Variants in DMD observed in about 807,000 individuals in gnomAD.
DMD encodes dystrophin.
A neutral mutation model predicts 330.1 loss-of-function variants in DMD; 63 were observed. The ratio of observed to expected loss-of-function variants is 0.19; its 90% CI spans 0.16 to 0.24. The LOEUF is 0.24. Ranked by LOEUF, DMD falls within the 10% of genes least tolerant of loss-of-function variation. The pLI, the probability that DMD is intolerant of heterozygous loss-of-function variation, is 1.00. For missense variants in DMD, 3,344 were observed against 2,684.1 expected (o/e 1.25, Z -5.43); for synonymous variants, 1,223 against 959.8 (o/e 1.27, Z -5.07).
At chrX:33,312,152 A>G (rs999373210) in intron 1 of DMD, among the ~76,000 whole-genome samples, 20 of 111,401 alleles carry the variant, frequency 1.8e-4, no homozygotes, top group African/African-American at 5.9e-4. Flanking sequence ...GGAATAAAAA[A>G]GTAAAAGGAT....
chrX:31,700,462 A>T (rs892294251), intron 52 of DMD, among the ~76,000 whole-genome samples: 3 of 112,019 alleles, frequency 2.7e-5, no homozygotes, highest in African/African-American at 9.7e-5. Context: ...CCTTAAAAGT[A>T]TGCTGAATAT....
chrX:32,996,507 A>G (rs1475915646), intron 2 of DMD, among the ~76,000 whole-genome samples: 2 of 111,712 alleles, frequency 1.8e-5, no homozygotes, highest in Non-Finnish European at 3.8e-5. Context: ...TGCCATCCCA[A>G]AATATGTCAC....
At chrX:33,234,937 T>C (rs924289720) in intron 1 of DMD, among the ~76,000 whole-genome samples, 1 of 111,920 alleles carries the variant, frequency 8.9e-6, no homozygotes, top group Admixed American at 9.5e-5. Context: ...TACTGGACAA[T>C]GGCTCTTCCT....
At chrX:32,732,969 A>G (rs1014508828) in intron 7 of DMD, among the ~76,000 whole-genome samples, 25 of 111,471 alleles carry the variant, frequency 2.2e-4, no homozygotes, top group African/African-American at 8.2e-4. Flanking sequence ...CAGACTGGCA[A>G]CTTGGATAAA....
At chrX:31,699,995 G>A (rs2083697230) in intron 52 of DMD, among the ~76,000 whole-genome samples, 1 of 110,786 alleles carries the variant, frequency 9.0e-6, no homozygotes, top group East Asian at 2.8e-4. Context: ...AGATCAACCT[G>A]GCCAAGATGG....
chrX:32,781,863 T>C (rs1177720940), intron 7 of DMD, among the ~76,000 whole-genome samples: 1 of 111,266 alleles, frequency 9.0e-6, no homozygotes, highest in Non-Finnish European at 1.9e-5. Flanking sequence ...GAGTCACCTT[T>C]AAGAGACATA....
chrX:31,348,510 ATC>A, intron 61 of DMD, 44 bp downstream of exon 61: 2 of 1,066,180 alleles, frequency 1.9e-6, no homozygotes, highest in Non-Finnish European at 2.6e-6. Flanking sequence ...ATTCTTATTA[ATC>A]AAGATGCAAT....
intron 1 of DMD, among the ~76,000 whole-genome samples, chrX:33,177,518 G>A (rs1329822465): frequency 9.0e-6 from 1 of 110,682 alleles, no homozygotes; most frequent in African/African-American, 3.3e-5. Context: ...CCTAGTAGCT[G>A]GGATTACAGG....
At position 31,919,568 on chromosome X, in the gene DMD, C is replaced by A. The variant is rs759952966; in HGVS notation, c.6912+10028G>T. Among the ~76,000 whole-genome samples the A allele has an allele frequency of 9.8e-5, 11 of 111,833 alleles. No homozygotes were observed. In the East Asian group the frequency reaches 2.8e-3, roughly 29 times the overall value. ...TTCCCACCACACTTGGCCAACCATG[C>A]CAAAGATGGACTATACTTGTCCCGG... On this transcript the variant is annotated intron_variant, in intron 47 of 78. Coordinates refer to ENST00000357033, the MANE Select transcript of DMD (RefSeq NM_004006.3).
chrX:32,146,887 T>C (rs940046755), intron 44 of DMD, among the ~76,000 whole-genome samples: 8 of 112,104 alleles, frequency 7.1e-5, no homozygotes, highest in African/African-American at 2.6e-4. Flanking sequence ...AGTTGGTAAC[T>C]TGCAAAGGCA....
intron 7 of DMD, among the ~76,000 whole-genome samples, chrX:32,716,801 A>G (rs1259896338): frequency 1.8e-5 from 2 of 111,452 alleles, no homozygotes; most frequent in Non-Finnish European, 3.8e-5. Flanking sequence ...TGGGAACTGC[A>G]ATAAAGGTCA....
chrX:32,597,232 TTC>T (rs1444516219), intron 12 of DMD, among the ~76,000 whole-genome samples: 2 of 111,827 alleles, frequency 1.8e-5, no homozygotes, highest in African/African-American at 6.5e-5. Context: ...AATTCACCAT[TTC>T]TGTCATTTTT....
chrX:32,423,922 A>G (rs2098201039), intron 29 of DMD, among the ~76,000 whole-genome samples: 1 of 111,317 alleles, frequency 9.0e-6, no homozygotes, highest in Non-Finnish European at 1.9e-5. Flanking sequence ...AAATAACAAA[A>G]GAAGATACAT....
At chrX:31,910,602 C>T (rs937347872) in intron 47 of DMD, among the ~76,000 whole-genome samples, 2 of 111,783 alleles carry the variant, frequency 1.8e-5, no homozygotes, top group Non-Finnish European at 3.8e-5. Flanking sequence ...TAGAAACTAA[C>T]GAACGTTGTA....
intron 30 of DMD, among the ~76,000 whole-genome samples, chrX:32,408,900 CTATCT>C (rs1569561560): frequency 5.5e-5 from 6 of 108,857 alleles, no homozygotes; most frequent in African/African-American, 2.0e-4. Context: ...ATCTATCTAT[CTATCT>C]ATCTATCCAT....
At chrX:31,173,143 A>G (rs1013244966) in intron 72 of DMD, among the ~76,000 whole-genome samples, 1 of 112,050 alleles carries the variant, frequency 8.9e-6, no homozygotes, top group East Asian at 2.8e-4. Flanking sequence ...CATATCATGT[A>G]AAATAAATAC....
At chrX:31,993,008 G>A (rs1327942045) in intron 44 of DMD, among the ~76,000 whole-genome samples, 2 of 111,736 alleles carry the variant, frequency 1.8e-5, no homozygotes, top group Admixed American at 9.5e-5. Context: ...AAGCAGAAGC[G>A]TGGTGGATTA....
chrX:32,511,759 G>T (rs1368267689), intron 18 of DMD, among the ~76,000 whole-genome samples: 1 of 110,448 alleles, frequency 9.1e-6, no homozygotes, highest in African/African-American at 3.3e-5. Context: ...TATCATATAT[G>T]TGTCTACATG....
chrX:32,109,273 G>A (rs752694138), intron 44 of DMD, among the ~76,000 whole-genome samples: 16 of 110,249 alleles, frequency 1.5e-4, no homozygotes, highest in Non-Finnish European at 2.7e-4. Context: ...GACTCTATGC[G>A]CCCAGAATAA....
Sources: gnomAD v4.1 joint callset for allele counts (sites outside exome capture counted in the v4.1 genomes callset) on GRCh38, gnomAD v4.1.1 for gene constraint, MANE v1.5 for transcripts, NCBI Gene and HGNC (gene_info 2026-07-23, HGNC 2026-07-21) for gene names.